The following NMNAT1 variants were observed in gnomAD, a reference collection of about 807,000 sequenced individuals.
NMNAT1 encodes the protein nicotinamide nucleotide adenylyltransferase 1, also known as nicotinamide/nicotinic acid mononucleotide adenylyltransferase 1.
In NMNAT1, 11 loss-of-function variants were observed where a neutral mutation model predicts 16.7. That is an observed-to-expected ratio of 0.66 (90% confidence interval 0.41 to 1.09). The LOEUF is 1.09. NMNAT1 is among the 50% of genes least tolerant of loss of function. NMNAT1 has a pLI of 0.00. For missense variants in NMNAT1, 280 were observed against 332.3 expected, an observed-to-expected ratio of 0.84 and a Z score of 1.22; for synonymous variants, 110 against 119.8, an observed-to-expected ratio of 0.92 and a Z score of 0.53.
intron 1 of NMNAT1, among the ~76,000 whole-genome samples, chr1:9,962,807 G>C (rs977736276): frequency 7.0e-6 from 1 of 143,256 alleles, no homozygotes; most frequent in Non-Finnish European, 1.5e-5. Context: ...TCAGCCTCCC[G>C]AGTAGCTGGG....
At position 9,975,602 on chromosome 1, in the gene NMNAT1, A is replaced by G. The variant is rs2101701310; in HGVS notation, c.126A>G (p.Thr42=). 1 of 1,610,966 alleles carries G rather than the reference A, an allele frequency of 6.2e-7. No homozygotes were observed. The highest frequency in any genetic ancestry group is 8.5e-7 in the Non-Finnish European group (1 of 1,178,838). The change falls in exon 3 of 5, where the codon ACA becomes ACG. Residue 42 remains threonine (T), a synonymous_variant. Coordinates refer to ENST00000377205, the MANE Select transcript of NMNAT1 (RefSeq NM_022787.4). ...KDYMNGTGRY[T]VVKGIISPVG... ...TAACTTTTTATCTAGGAAGGTACAC[A>G]GTTGTCAAAGGCATCATCTCTCCTG...
At chr1:9,996,359 G>A in the NMNAT1 span, among the ~76,000 whole-genome samples, 2 of 150,030 alleles carry the variant, frequency 1.3e-5, no homozygotes, top group South Asian at 2.1e-4. Context: ...TGTCTCAAAA[G>A]AAAAAAAATA....
intron 1 of NMNAT1, among the ~76,000 whole-genome samples, chr1:9,970,783 A>G (rs1170230292): frequency 6.6e-6 from 1 of 152,152 alleles, no homozygotes; most frequent in Non-Finnish European, 1.5e-5. Context: ...AATAACTGAT[A>G]TGAAAAAGAG....
At chr1:9,961,363 C>T (rs1641402700) in intron 1 of NMNAT1, among the ~76,000 whole-genome samples, 1 of 152,140 alleles carries the variant, frequency 6.6e-6, no homozygotes, top group Non-Finnish European at 1.5e-5. Flanking sequence ...CTGAGATGGG[C>T]GGGGTTGTCT....
At chr1:9,971,973 GA>G (rs200890715) in intron 1 of NMNAT1, 44 bp from the exon 2 acceptor site, 473 of 706,076 alleles carry the variant, frequency 6.7e-4, no homozygotes, top group Middle Eastern at 1.3e-3. Flanking sequence ...TTATCTTAGG[GA>G]AAAAAAAATG....
At chr1:9,960,906 G>C (rs186316263) in intron 1 of NMNAT1, 1 of 152,174 alleles carries the variant, frequency 6.6e-6, no homozygotes, top group Non-Finnish European at 1.5e-5. Flanking sequence ...ATACGCATGC[G>C]CATGTGCCCT....
chr1:9,944,384 A>G (rs1640915134), intron 1 of NMNAT1, among the ~76,000 whole-genome samples: 1 of 152,192 alleles, frequency 6.6e-6, no homozygotes, highest in African/African-American at 2.4e-5. Flanking sequence ...CCTCATAACA[A>G]AAAATTAAAA....
chr1:9,990,269 G>A (rs1055407741), downstream of NMNAT1, among the ~76,000 whole-genome samples: 5 of 152,154 alleles, frequency 3.3e-5, no homozygotes, highest in East Asian at 5.8e-4. Context: ...CACTGTCATC[G>A]GGGACCCGGG....
Position 9,953,848 on chromosome 1 carries a change from C to T in NMNAT1, c.-57+10333C>T, listed in dbSNP as rs530101920. On this transcript the variant is annotated intron_variant, in intron 1 of 4. Coordinates refer to ENST00000377205, the MANE Select transcript of NMNAT1 (RefSeq NM_022787.4). ...TGAGACAGAGTCTTGCTCTCTTGCC[C>T]AGGCTGGAGTGCAGTGGCACGATCT... Among the ~76,000 whole-genome samples the T allele has an allele frequency of 1.3e-3, 170 of 131,664 alleles. 1 individual carries two copies. The highest frequency in any genetic ancestry group is 2.2e-3 in the Non-Finnish European group (144 of 64,208). The allele number at this position is 131,664 out of a possible 152,430, so 86.4% of individuals were successfully genotyped here.
intron 1 of NMNAT1, among the ~76,000 whole-genome samples, chr1:9,961,213 CAAGTG>C (rs1641399133): frequency 3.9e-5 from 6 of 152,184 alleles, no homozygotes; most frequent in African/African-American, 1.4e-4. Context: ...AGCTTATCCC[CAAGTG>C]TAGGGCTAAA....
At chr1:9,965,060 T>C (rs1054118939) in intron 1 of NMNAT1, among the ~76,000 whole-genome samples, 1 of 152,006 alleles carries the variant, frequency 6.6e-6, no homozygotes, top group Admixed American at 6.6e-5. Flanking sequence ...GGCTCATGCC[T>C]GTAATTCCAG....
chr1:9,956,775 A>G (rs1198863615), intron 1 of NMNAT1, among the ~76,000 whole-genome samples: 1 of 129,846 alleles, frequency 7.7e-6, no homozygotes, highest in Admixed American at 9.0e-5. Context: ...TCTGTCACCC[A>G]GGCTGGAATG....
At chr1:9,957,510 G>A (rs925787408) in intron 1 of NMNAT1, among the ~76,000 whole-genome samples, 3 of 144,884 alleles carry the variant, frequency 2.1e-5, no homozygotes, top group Admixed American at 1.4e-4. Flanking sequence ...GGCCAGGCTG[G>A]TCTCGAACTA....
chr1:9,975,376 C>T (rs1276761153), intron 2 of NMNAT1, among the ~76,000 whole-genome samples: 1 of 152,028 alleles, frequency 6.6e-6, no homozygotes, highest in African/African-American at 2.4e-5. Context: ...TGGCATGCGC[C>T]CGTAATCCCA....
chr1:9,985,935 C>T (rs928021441), downstream of NMNAT1, among the ~76,000 whole-genome samples: 3 of 152,184 alleles, frequency 2.0e-5, no homozygotes, highest in African/African-American at 7.2e-5. Flanking sequence ...AGGTGTGAGC[C>T]ATCACGCTCT....
intron 1 of NMNAT1, among the ~76,000 whole-genome samples, chr1:9,946,074 A>C (rs1640974267): frequency 6.6e-6 from 1 of 152,174 alleles, no homozygotes; most frequent in South Asian, 2.1e-4. Flanking sequence ...TTTGATAATG[A>C]TAATCCAATG....
At chr1:9,968,069 T>TTTTTTGTTTTG (rs1641594578) in intron 1 of NMNAT1, among the ~76,000 whole-genome samples, 1 of 62,146 alleles carries the variant, frequency 1.6e-5, no homozygotes, top group Non-Finnish European at 4.0e-5. Context: ...CCAAATGTAG[T>TTTTTTGTTTTG]TTTTTTTTTT....
Position 9,985,226 on chromosome 1 carries a change from A to C in NMNAT1, c.*2525A>C, listed in dbSNP as rs962206940. On this transcript the variant is annotated 3_prime_UTR_variant, in exon 5 of 5. Coordinates refer to ENST00000377205, the MANE Select transcript of NMNAT1 (RefSeq NM_022787.4). ...CTCTGAAATCTGAACTTCGTTTACCAGTGGTGCTGTTTGAACTTCATAATG... is the reference window on the plus strand; with the variant it reads ...CTCTGAAATCTGAACTTCGTTTACCCGTGGTGCTGTTTGAACTTCATAATG... 1 of 152,082 alleles carries C rather than the reference A, an allele frequency of 6.6e-6. No homozygotes were observed. The highest frequency in any genetic ancestry group is 1.5e-5 in the Non-Finnish European group (1 of 68,016). The allele number at this position is 152,082 out of a possible 1,614,324, so 9.4% of individuals were successfully genotyped here. A position where few individuals can be genotyped will look rare whatever the true frequency, so the allele number is the denominator to read the frequency against.
chr1:9,974,191 A>G, intron 2 of NMNAT1, among the ~76,000 whole-genome samples: 1 of 151,704 alleles, frequency 6.6e-6, no homozygotes, highest in East Asian at 1.9e-4. Context: ...ATGAATTTAT[A>G]TGCAAACATT....
Sources: allele counts gnomAD v4.1 joint callset (sites outside exome capture counted in the v4.1 genomes callset), GRCh38; gene constraint gnomAD v4.1.1; transcripts MANE v1.5; gene names NCBI Gene and HGNC (gene_info 2026-07-23, HGNC 2026-07-21).